The following GFM1 variants were observed in gnomAD, a reference collection of about 807,000 sequenced individuals.
GFM1 encodes elongation factor G, mitochondrial.
Under a neutral mutation model 96.2 loss-of-function variants are expected in GFM1, and 62 were observed. That is an observed-to-expected ratio of 0.64 (90% CI 0.53 to 0.80). The LOEUF (loss-of-function observed/expected upper bound fraction) is 0.80, where lower values mean the gene tolerates loss of function less well. Among genes scored for constraint, GFM1 ranks in the 30% least tolerant of loss-of-function variants. The pLI, the probability that GFM1 is intolerant of heterozygous loss-of-function variation, is 0.00. For synonymous variants in GFM1, 282 were observed against 312.9 expected, an observed-to-expected ratio of 0.90 and a Z score of 1.04; for missense variants, 852 against 916.6, an observed-to-expected ratio of 0.93 and a Z score of 0.91.
Position 158,684,561 on chromosome 3 carries a change from G to A in GFM1, c.1802G>A (p.Gly601Asp). ...GCCTGCGAGAAGGGCCCTCTTTCTG[G>A]TCACAAGCTCTCTGGGCTCCGGTTT... ...LDACEKGPLS[G>D]HKLSGLRFVL... is the part of the protein sequence containing the mutation. The change falls in exon 15 of 18, where the codon GGT becomes GAT. Residue 601 changes from glycine to aspartate, a missense_variant. Gly to Asp is a moderately conservative substitution (Grantham distance 94). Transcript: ENST00000486715. 1 of 1,614,046 alleles carries A rather than the reference G, an allele frequency of 6.2e-7. No individual in the cohort carries two copies. The highest frequency in any genetic ancestry group is 8.5e-7 in the Non-Finnish European group (1 of 1,179,974).
intron 3 of GFM1, among the ~76,000 whole-genome samples, chr3:158,646,513 C>T (rs1576722101): frequency 6.6e-6 from 1 of 152,116 alleles, no homozygotes; most frequent in East Asian, 1.9e-4. Context: ...CAGATTCTTG[C>T]CTTTTACATA....
At chr3:158,650,079 T>A in intron 5 of GFM1, 1 of 1,527,934 alleles carries the variant, frequency 6.5e-7, no homozygotes, top group South Asian at 1.2e-5. Flanking sequence ...AATGGCATTG[T>A]GATCAGTGAA....
intron 9 of GFM1, 124 bp downstream of exon 9, chr3:158,659,183 A>C: frequency 8.9e-7 from 1 of 1,128,528 alleles, no homozygotes; most frequent in African/African-American, 1.6e-5. Flanking sequence ...GTTTCTTTCT[A>C]CTTAAATGTG....
In GFM1 at chr3:158,691,364, G is replaced by A; in HGVS notation, c.2153G>A (p.Ser718Asn). Residue 718 changes from serine (S) to asparagine (N), a missense_variant, in exon 18 of 18, where the codon AGC (serine) becomes AAC (asparagine). Physicochemically the swap from Ser to Asn is conservative, Grantham distance 46. Transcript: ENST00000486715. ...EGKGEYTMEY[S>N]RYQPCLPSTQ... ...AAGGGAGAATACACAATGGAGTATA[G>A]CAGGTATCAGCCATGTTTACCATCC... 1 of 1,613,666 alleles carries A rather than the reference G, an allele frequency of 6.2e-7. No individual in the cohort carries two copies. Among genetic ancestry groups the A allele is most frequent in the Non-Finnish European group, 8.5e-7 (1 of 1,179,776 alleles).
At chr3:158,648,582 G>T (rs1475274077) in intron 4 of GFM1, among the ~76,000 whole-genome samples, 2 of 151,576 alleles carry the variant, frequency 1.3e-5, no homozygotes, top group African/African-American at 4.9e-5. Context: ...GGAGGCTGAG[G>T]CAGGAGAATT....
rs144006667 is a variant in GFM1, at chr3:158,665,636, C to G, written c.1518+162C>G. 4.5e-4 allele frequency among the ~76,000 whole-genome samples: 69 copies of G among 152,276 alleles called. No individual in the cohort carries two copies. The East Asian group carries it at 0.013, about 29-fold the overall frequency. ...CTACTGCTTCCTCTACTATGTGTTA[C>G]AAAATAATTATTTTCGATCTCTAAA... On this transcript the variant is annotated intron_variant, in intron 12 of 17. Coordinates refer to ENST00000486715, the MANE Select transcript of GFM1 (RefSeq NM_024996.7).
chr3:158,682,016 A>C lies in GFM1; in HGVS notation c.1623A>C (p.Lys541Asn). The change falls in exon 14 of 18, where the codon AAA becomes AAC. Residue 541 changes from lysine to asparagine, a missense_variant. Transcript: ENST00000486715. The stretch of plus-strand genomic sequence containing the variant: ...TCAGGTTTGACTTTACACATAAAAA[A>C]CAATCAGGTGGTGCAGGCCAGTATG... ...APVPFDFTHK[K>N]QSGGAGQYGK... The C allele has an allele frequency of 6.2e-7, 1 of 1,613,650 alleles. No individual in the cohort carries two copies. The highest frequency in any genetic ancestry group is 8.5e-7 in the Non-Finnish European group (1 of 1,179,780).
chr3:158,661,513 TATATAA>T (rs1723195847), intron 10 of GFM1, among the ~76,000 whole-genome samples: 1 of 152,184 alleles, frequency 6.6e-6, no homozygotes, highest in Non-Finnish European at 1.5e-5. Context: ...GAGTCTGACT[TATATAA>T]ATAGCCTGCC....
intron 13 of GFM1, chr3:158,672,448 A>C: frequency 6.2e-7 from 1 of 1,613,944 alleles, no homozygotes; most frequent in Non-Finnish European, 8.5e-7. Context: ...GCCGCCCTGG[A>C]GGCTGGGTAG....
chr3:158,645,981 C>A (rs865956784), intron 2 of GFM1, 184 bp from the exon 3 acceptor site: 2 of 850,706 alleles, frequency 2.4e-6, no homozygotes, highest in Middle Eastern at 5.0e-4. Context: ...AGAGGTCTCA[C>A]TTTGTTGCTC....
intron 15 of GFM1, among the ~76,000 whole-genome samples, chr3:158,685,527 CA>C (rs1725765061): frequency 6.6e-6 from 1 of 152,100 alleles, no homozygotes; most frequent in Non-Finnish European, 1.5e-5. Flanking sequence ...TTCTGTAGAT[CA>C]GGATTTATTG....
intron 15 of GFM1, among the ~76,000 whole-genome samples, chr3:158,689,754 A>C (rs2108115875): frequency 6.6e-6 from 1 of 152,076 alleles, no homozygotes; most frequent in South Asian, 2.1e-4. Context: ...TGACAAAAAA[A>C]AAAAAAAAAG....
intron 13 of GFM1, chr3:158,672,497 T>TCAGGGC (rs751523105): frequency 6.2e-7 from 1 of 1,613,446 alleles, no homozygotes; most frequent in East Asian, 2.2e-5. Context: ...AGCAGTGACT[T>TCAGGGC]CAGGGCTTGG....
intron 8 of GFM1, chr3:158,655,801 T>G (rs1722700890): frequency 2.2e-6 from 1 of 451,892 alleles, no homozygotes; most frequent in Admixed American, 2.4e-5. Flanking sequence ...TTGAATTTCT[T>G]TAGTTTTTGT....
chr3:158,650,993 C>G (rs1486421300), intron 5 of GFM1: 1 of 135,284 alleles, frequency 7.4e-6, no homozygotes, highest in Non-Finnish European at 1.5e-5. Context: ...TGCACTCCAG[C>G]CTGGGTGACA....
intron 13 of GFM1, chr3:158,670,906 C>G (rs1055654223): frequency 2.1e-6 from 3 of 1,438,994 alleles, no homozygotes; most frequent in Non-Finnish European, 2.8e-6. Context: ...GCACTTCAGC[C>G]TGGGTGATAG....
intron 13 of GFM1, among the ~76,000 whole-genome samples, chr3:158,673,830 C>G (rs532441944): frequency 2.1e-3 from 325 of 152,038 alleles, no homozygotes; most frequent in African/African-American, 7.6e-3. Flanking sequence ...TAGTAATGCA[C>G]ACACCCAAGA....
chr3:158,648,917 C>A, intron 4 of GFM1, 124 bp from the exon 5 acceptor site: 1 of 688,498 alleles, frequency 1.5e-6, no homozygotes, highest in South Asian at 1.5e-5. Context: ...CTGTTCTGAC[C>A]TGATGGTAAC....
In GFM1 at chr3:158,644,701, T is replaced by C. The variant is rs1055907573; in HGVS notation, c.67T>C (p.Trp23Arg). Reference protein sequence around the residue: ...GRGRAPASLGWQRKQVNWKAC... With the variant: ...GRGRAPASLGRQRKQVNWKAC... ...CGGAAGGGCCCCCGCCTCCCTAGGCTGGCAGAGGAAGCAGGTACCGGAGCA... is the reference window on the plus strand; with the variant it reads ...CGGAAGGGCCCCCGCCTCCCTAGGCCGGCAGAGGAAGCAGGTACCGGAGCA... Residue 23 changes from tryptophan to arginine, a missense_variant, in exon 1 of 18, where the codon TGG becomes CGG. Trp to Arg is a moderately radical substitution (Grantham distance 101, BLOSUM62 -3). Coordinates refer to ENST00000486715, the MANE Select transcript of GFM1 (RefSeq NM_024996.7). 8.2e-6 allele frequency: 13 copies of C among 1,577,566 alleles called. No homozygotes were observed. Among genetic ancestry groups the C allele is most frequent in the Non-Finnish European group, 1.1e-5 (13 of 1,162,334 alleles).
Sources: gnomAD v4.1 joint callset for allele counts (sites outside exome capture counted in the v4.1 genomes callset) on GRCh38, gnomAD v4.1.1 for gene constraint, MANE v1.5 for transcripts, NCBI Gene and HGNC (gene_info 2026-07-23, HGNC 2026-07-21) for gene names.